Variants in SYN3 observed in about 807,000 individuals in gnomAD.
The protein encoded by SYN3 is synapsin III.
In SYN3, 35 loss-of-function variants were observed where a neutral mutation model predicts 65.8. That is an observed-to-expected ratio of 0.53 (90% CI 0.41 to 0.70). The LOEUF (loss-of-function observed/expected upper bound fraction) is 0.70. Among genes scored for constraint, SYN3 ranks in the 30% least tolerant of loss-of-function variants. SYN3 has a pLI of 0.00. For synonymous variants in SYN3, 270 were observed against 292.9 expected, an observed-to-expected ratio of 0.92 and a Z score of 0.80; for missense variants, 680 against 749.0, an observed-to-expected ratio of 0.91 and a Z score of 1.08.
At chr22:32,665,489 G>GTGTA (rs1326868872) in intron 6 of SYN3, among the ~76,000 whole-genome samples, 20 of 141,416 alleles carry the variant, frequency 1.4e-4, no homozygotes, top group African/African-American at 5.8e-4. Context: ...CACAGTGTGT[G>GTGTA]TATATATATA....
chr22:32,811,839 G>A (rs1023061710), intron 6 of SYN3, among the ~76,000 whole-genome samples: 4 of 152,188 alleles, frequency 2.6e-5, no homozygotes, highest in Non-Finnish European at 5.9e-5. Flanking sequence ...ATCTGGTGCT[G>A]CCCTTCCCTC....
At chr22:32,763,102 A>G (rs963633710) in intron 6 of SYN3, among the ~76,000 whole-genome samples, 1 of 152,042 alleles carries the variant, frequency 6.6e-6, no homozygotes, top group Non-Finnish European at 1.5e-5. Context: ...TTAAAGTGTA[A>G]CATAACATAT....
intron 7 of SYN3, among the ~76,000 whole-genome samples, chr22:32,594,953 A>C (rs1157839662): frequency 7.9e-5 from 12 of 152,218 alleles, no homozygotes; most frequent in Non-Finnish European, 1.8e-4. Flanking sequence ...CTCCAGCTGT[A>C]CTTTATCTAG....
chr22:32,974,103 T>A (rs2052106354), intron 3 of SYN3, among the ~76,000 whole-genome samples: 1 of 152,236 alleles, frequency 6.6e-6, no homozygotes, highest in Non-Finnish European at 1.5e-5. Flanking sequence ...GTACCCATCT[T>A]AAAGAGGCAT....
At chr22:32,562,880 C>T (rs1371467128) in intron 7 of SYN3, among the ~76,000 whole-genome samples, 1 of 152,246 alleles carries the variant, frequency 6.6e-6, no homozygotes, top group East Asian at 1.9e-4. Flanking sequence ...ATGGGAAGGA[C>T]ACAGGATCAA....
At chr22:32,847,724 G>T (rs1045934791) in intron 6 of SYN3, among the ~76,000 whole-genome samples, 4 of 152,168 alleles carry the variant, frequency 2.6e-5, no homozygotes, top group African/African-American at 9.7e-5. Context: ...TGTGTGAAGG[G>T]TATTTTACTT....
intron 6 of SYN3, among the ~76,000 whole-genome samples, chr22:32,654,641 G>A (rs1041373422): frequency 1.3e-5 from 2 of 152,178 alleles, no homozygotes; most frequent in South Asian, 2.1e-4. Flanking sequence ...CCTCACAGAA[G>A]TGTGAACCCT....
chr22:32,624,017 A>G (rs961586541), intron 6 of SYN3, among the ~76,000 whole-genome samples: 16 of 152,194 alleles, frequency 1.1e-4, no homozygotes, highest in African/African-American at 3.9e-4. Context: ...AACGATGCTC[A>G]CAAGCATGCC....
chr22:32,526,140 C>T (rs2057973056), intron 12 of SYN3, among the ~76,000 whole-genome samples: 1 of 152,072 alleles, frequency 6.6e-6, no homozygotes, highest in Admixed American at 6.5e-5. Flanking sequence ...ACTTAAGAGA[C>T]TACAGTGTAG....
intron 12 of SYN3, chr22:32,518,542 TA>T: frequency 1.4e-6 from 1 of 714,900 alleles, no homozygotes; most frequent in South Asian, 1.5e-5. Flanking sequence ...GGTCATCACA[TA>T]GGATGTGGCT....
intron 6 of SYN3, among the ~76,000 whole-genome samples, chr22:32,751,400 G>C (rs1372152187): frequency 6.6e-6 from 1 of 152,202 alleles, no homozygotes; most frequent in Non-Finnish European, 1.5e-5. Flanking sequence ...TTAAAGAAGA[G>C]GGGTGGGGTA....
intron 1 of SYN3, among the ~76,000 whole-genome samples, chr22:33,051,323 C>T (rs2068324): frequency 0.099 from 14,984 of 152,028 alleles, 749 homozygotes; most frequent in Middle Eastern, 0.13. Context: ...TTTGGAGGAC[C>T]GCAAGAGATA....
intron 3 of SYN3, among the ~76,000 whole-genome samples, chr22:32,956,480 T>G (rs2051468035): frequency 1.3e-5 from 2 of 152,164 alleles, no homozygotes; most frequent in Non-Finnish European, 1.5e-5. Context: ...TATCCTACTG[T>G]GTCTCAATAG....
At chr22:33,016,125 C>T (rs191503966) in intron 1 of SYN3, among the ~76,000 whole-genome samples, 108 of 152,310 alleles carry the variant, frequency 7.1e-4, no homozygotes, top group African/African-American at 2.3e-3. Context: ...GGATTACAGG[C>T]GTGAGCCACC....
chr22:32,542,240 A>G (rs1374619284), intron 7 of SYN3, among the ~76,000 whole-genome samples: 1 of 152,134 alleles, frequency 6.6e-6, no homozygotes, highest in Non-Finnish European at 1.5e-5. Context: ...GCAGCTGTGT[A>G]GAGGATGGAA....
In SYN3 at chr22:32,858,234, G is replaced by A. The variant is rs188568145; in HGVS notation, c.711+6681C>T. 2.5e-4 allele frequency: 397 copies of A among 1,558,198 alleles called. 1 individual carries two copies. The East Asian group carries it at 7.2e-3, about 28-fold the overall frequency. The stretch of plus-strand genomic sequence containing the variant: ...TGCACTGGGTGCCAGGCCCTCGGCT[G>A]GGAAGGGTATGCATGTGTTAGGCCA... On this transcript the variant is annotated intron_variant, in intron 6 of 13. Coordinates refer to ENST00000358763, the MANE Select transcript of SYN3 (RefSeq NM_003490.4).
At chr22:32,548,245 G>A (rs1382277207) in intron 7 of SYN3, among the ~76,000 whole-genome samples, 1 of 152,190 alleles carries the variant, frequency 6.6e-6, no homozygotes, top group Non-Finnish European at 1.5e-5. Context: ...AGCCTGCATG[G>A]GGTTTCACCA....
At chr22:32,853,123 C>T (rs1449007796) in intron 6 of SYN3, among the ~76,000 whole-genome samples, 3 of 152,186 alleles carry the variant, frequency 2.0e-5, no homozygotes, top group Non-Finnish European at 4.4e-5. Flanking sequence ...AGCAGGGTCT[C>T]GCCTTTGAAG....
chr22:32,973,994 G>A (rs2052103572), intron 3 of SYN3, among the ~76,000 whole-genome samples: 1 of 152,150 alleles, frequency 6.6e-6, no homozygotes, highest in Admixed American at 6.5e-5. Context: ...TCGCCATGTT[G>A]GCTAGGCTGG....
Sources: gnomAD v4.1 joint callset for allele counts (sites outside exome capture counted in the v4.1 genomes callset) on GRCh38, gnomAD v4.1.1 for gene constraint, MANE v1.5 for transcripts, NCBI Gene and HGNC (gene_info 2026-07-23, HGNC 2026-07-21) for gene names.